The following METTL9 variants were observed in gnomAD, a reference collection of about 807,000 sequenced individuals.
METTL9 encodes protein-L-histidine N-pros-methyltransferase.
A neutral mutation model predicts 36.0 loss-of-function variants in METTL9; 10 were observed. The ratio of observed to expected loss-of-function variants is 0.28; its 90% CI spans 0.17 to 0.47. METTL9 has a LOEUF of 0.47. Among genes scored for constraint, METTL9 ranks in the 20% least tolerant of loss-of-function variants. METTL9 has a pLI of 0.99. For synonymous variants in METTL9, 175 were observed against 149.7 expected (o/e 1.17, Z -1.23); for missense variants, 246 against 383.5 (o/e 0.64, Z 3.00).
At chr16:21,645,210 T>C (rs1966391350) in intron 4 of METTL9, among the ~76,000 whole-genome samples, 1 of 152,162 alleles carries the variant, frequency 6.6e-6, no homozygotes, top group Non-Finnish European at 1.5e-5. Context: ...CCCAGCACTT[T>C]GAGAGGCCGA....
chr16:21,612,076 ATC>A (rs1965438227), intron 1 of METTL9: 1 of 152,152 alleles, frequency 6.6e-6, no homozygotes, highest in African/African-American at 2.4e-5. Flanking sequence ...ATTTCTAAAG[ATC>A]TCTTTTACAT....
upstream of METTL9, among the ~76,000 whole-genome samples, chr16:21,598,324 GGA>G (rs1251011571): frequency 6.7e-6 from 1 of 149,456 alleles, no homozygotes; most frequent in East Asian, 2.0e-4. Context: ...ACTCCAGCCT[GGA>G]GACAGAGCGA....
chr16:21,649,247 C>T (rs1396538604), intron 4 of METTL9, among the ~76,000 whole-genome samples: 1 of 152,172 alleles, frequency 6.6e-6, no homozygotes, highest in South Asian at 2.1e-4. Context: ...CTTGCCTCGG[C>T]CTTCCAAAGT....
intron 1 of METTL9, among the ~76,000 whole-genome samples, chr16:21,608,148 C>CA (rs556503146): frequency 1.1e-4 from 16 of 151,004 alleles, no homozygotes; most frequent in African/African-American, 7.3e-5. Context: ...GACTCCGTCT[C>CA]AAAAAAAACA....
At chr16:21,643,669 C>G in intron 4 of METTL9, 1 of 979,712 alleles carries the variant, frequency 1.0e-6, no homozygotes, top group South Asian at 1.4e-5. Flanking sequence ...ATATCTCATG[C>G]CCTAATAAGA....
chr16:21,656,287 C>T lies in METTL9; in HGVS notation c.*855C>T, dbSNP rs1966708498. 1 of 149,774 alleles carries T rather than the reference C, an allele frequency of 6.7e-6. No homozygotes were observed. 9.3% of individuals were successfully genotyped at this position (149,774 alleles called of 1,614,324 possible). A position where few individuals can be genotyped will look rare whatever the true frequency, so the allele number is the denominator to read the frequency against. ...TGAACTTTGTTTTTTTCTGGACAAT[C>T]TCAGGTTCTCAGAATTGAAACATTC... is the stretch of plus-strand genomic sequence containing the variant. On this transcript the variant is annotated 3_prime_UTR_variant, in exon 5 of 5. Transcript: ENST00000358154.
At chr16:21,653,167 T>C (rs1966623906) in intron 4 of METTL9, 1 of 152,192 alleles carries the variant, frequency 6.6e-6, no homozygotes, top group Non-Finnish European at 1.5e-5. Context: ...TCACCCAGGC[T>C]GGAATGCAGT....
In METTL9 at chr16:21,642,832, A is replaced by G. The variant is rs1410510301; in HGVS notation, c.752-12395A>G. Among the ~76,000 whole-genome samples, 6 of 152,308 alleles carry G rather than the reference A, an allele frequency of 3.9e-5. No homozygotes were observed. In the East Asian group the frequency reaches 1.2e-3, roughly 29 times the overall value. ...TGTATTGAAAACATTGCTCGTGTCT[A>G]ATGTGTTTCTGAAAGTTTCCATGTC... On this transcript the variant is annotated intron_variant, in intron 4 of 4. Transcript: ENST00000358154.
intron 4 of METTL9, among the ~76,000 whole-genome samples, chr16:21,644,867 C>T (rs1966384305): frequency 6.6e-6 from 1 of 152,206 alleles, no homozygotes; most frequent in South Asian, 2.1e-4. Context: ...AGAGTCCCAT[C>T]TGTGAAAGAA....
intron 4 of METTL9, among the ~76,000 whole-genome samples, chr16:21,651,492 G>C (rs1217648530): frequency 6.6e-6 from 1 of 151,742 alleles, no homozygotes; most frequent in Non-Finnish European, 1.5e-5. Flanking sequence ...GTAGAAATGG[G>C]GGTCTCATTA....
intron 4 of METTL9, among the ~76,000 whole-genome samples, chr16:21,632,102 T>C (rs1965977660): frequency 6.6e-6 from 1 of 152,212 alleles, no homozygotes; most frequent in South Asian, 2.1e-4. Flanking sequence ...TTGATGGCTT[T>C]GGCAGTGTAA....
chr16:21,650,899 G>A (rs1966555602), intron 4 of METTL9, among the ~76,000 whole-genome samples: 1 of 152,106 alleles, frequency 6.6e-6, no homozygotes, highest in African/African-American at 2.4e-5. Context: ...CTCCATGGAG[G>A]GAATAGAAAG....
At chr16:21,641,723 G>A in intron 4 of METTL9, 1 of 490,172 alleles carries the variant, frequency 2.0e-6, no homozygotes. Context: ...TAATCTTAAA[G>A]GCCAGATTAC....
chr16:21,598,684 C>T (rs941409572), upstream of METTL9, among the ~76,000 whole-genome samples: 1 of 152,166 alleles, frequency 6.6e-6, no homozygotes, highest in Non-Finnish European at 1.5e-5. Context: ...TGCTAGGTCT[C>T]CTCGTGTTAT....
intron 1 of METTL9, among the ~76,000 whole-genome samples, chr16:21,605,674 C>T (rs1010845779): frequency 6.6e-6 from 1 of 152,168 alleles, no homozygotes; most frequent in African/African-American, 2.4e-5. Flanking sequence ...GAGAATAAGA[C>T]AGCTGCTTGA....
In METTL9 at chr16:21,612,756, G is replaced by A. The variant is rs776509940; in HGVS notation, c.277G>A (p.Gly93Ser). The A allele has an allele frequency of 1.2e-6, 2 of 1,612,948 alleles. No homozygotes were observed. The highest frequency in any genetic ancestry group is 8.5e-7 in the Non-Finnish European group (1 of 1,179,668). Residue 93 changes from glycine (G) to serine (S), a missense_variant, in exon 2 of 5, where the codon GGC (glycine) becomes AGC (serine). Physicochemically the swap from Gly to Ser is moderately conservative, Grantham distance 56. Around this residue, in one of 2 missense-constraint regions of METTL9, gnomAD observed 146 missense variants for 302.1 expected, o/e 0.48. Coordinates refer to ENST00000358154, the MANE Select transcript of METTL9 (RefSeq NM_016025.5). ...CTTAAACAACAGCATTGAGAAATCG[G>A]GCTGGCTATTTATCCAATTATATCA... is the stretch of plus-strand genomic sequence containing the variant. ...IFLNNSIEKS[G>S]WLFIQLYHSF...
intron 4 of METTL9, among the ~76,000 whole-genome samples, chr16:21,631,800 T>TA (rs1456541036): frequency 3.3e-5 from 5 of 152,334 alleles, no homozygotes; most frequent in African/African-American, 1.2e-4. Context: ...ATTGGAGTGT[T>TA]ACAGGGTTAC....
At chr16:21,609,610 G>C (rs1261845069) in intron 1 of METTL9, among the ~76,000 whole-genome samples, 2 of 152,016 alleles carry the variant, frequency 1.3e-5, no homozygotes, top group Admixed American at 6.6e-5. Flanking sequence ...GGGAAATGTT[G>C]GGGGGCAGAG....
At chr16:21,646,207 C>T (rs1966424687) in intron 4 of METTL9, among the ~76,000 whole-genome samples, 1 of 151,600 alleles carries the variant, frequency 6.6e-6, no homozygotes, top group Admixed American at 6.6e-5. Flanking sequence ...AAGGGAATGA[C>T]TTGGTGAAAT....
Sources: gnomAD v4.1 joint callset for allele counts (sites outside exome capture counted in the v4.1 genomes callset) on GRCh38, gnomAD v4.1.1 for gene constraint, gnomAD v4.1.1 regional missense constraint, MANE v1.5 for transcripts, NCBI Gene and HGNC (gene_info 2026-07-23, HGNC 2026-07-21) for gene names.